ANKDD1B: variants seen among roughly 807,000 people sequenced by gnomAD.
ANKDD1B encodes ankyrin repeat and death domain-containing protein 1B.
A neutral mutation model predicts 59.7 loss-of-function variants in ANKDD1B; 57 were observed. That is an observed-to-expected ratio of 0.95 (90% CI 0.77 to 1.19). The LOEUF (loss-of-function observed/expected upper bound fraction) is 1.19. ANKDD1B is among the 50% of genes most tolerant of loss of function. ANKDD1B has a pLI of 0.00. For missense variants in ANKDD1B, 602 were observed against 641.9 expected (o/e 0.94, Z 0.67); for synonymous variants, 216 against 239.5 (o/e 0.90, Z 0.91).
At chr5:75,654,918 C>A (rs1173250231) in intron 8 of ANKDD1B, among the ~76,000 whole-genome samples, 1 of 152,192 alleles carries the variant, frequency 6.6e-6, no homozygotes, top group Non-Finnish European at 1.5e-5. Flanking sequence ...TGCTGTCACA[C>A]CCCTGTCCAC....
intron 5 of ANKDD1B, among the ~76,000 whole-genome samples, chr5:75,632,497 C>T (rs1267603507): frequency 2.0e-5 from 3 of 152,198 alleles, no homozygotes; most frequent in African/African-American, 4.8e-5. Context: ...GGTTGGCTCT[C>T]ATAGGCCTAG....
intron 7 of ANKDD1B, among the ~76,000 whole-genome samples, chr5:75,640,052 T>G (rs1006919282): frequency 6.6e-6 from 1 of 152,134 alleles, no homozygotes; most frequent in Admixed American, 6.5e-5. Context: ...TTTCTTTTTT[T>G]TTTTGTTTTG....
chr5:75,640,536 G>T (rs1774436713), intron 7 of ANKDD1B, among the ~76,000 whole-genome samples: 1 of 152,224 alleles, frequency 6.6e-6, no homozygotes, highest in South Asian at 2.1e-4. Flanking sequence ...GAGAAAGCAT[G>T]TTGTTTGTCA....
chr5:75,620,392 C>A lies in ANKDD1B; in HGVS notation c.375C>A (p.Ala125=). The part of the protein sequence containing the change: ...SAVDFLLKHK[A]RVDVADKHGL... ...TGGATTTCTTGCTTAAACACAAGGC[C>A]AGGGTGGATGTTGCTGATAAGGTAA... The change falls in exon 3 of 14, where the codon GCC becomes GCA. Residue 125 remains alanine, a synonymous_variant. Transcript: ENST00000601380. 6.5e-7 allele frequency: 1 copy of A among 1,533,658 alleles called. No individual in the cohort carries two copies. The highest frequency in any genetic ancestry group is 2.4e-5 in the East Asian group (1 of 40,884).
At chr5:75,628,662 A>G (rs1289703383) in intron 5 of ANKDD1B, among the ~76,000 whole-genome samples, 1 of 152,202 alleles carries the variant, frequency 6.6e-6, no homozygotes, top group East Asian at 1.9e-4. Flanking sequence ...AAAAGCTAAC[A>G]AGGAAAGCTT....
chr5:75,661,609 A>T (rs1775154830), intron 10 of ANKDD1B, among the ~76,000 whole-genome samples: 1 of 152,048 alleles, frequency 6.6e-6, no homozygotes, highest in Non-Finnish European at 1.5e-5. Flanking sequence ...CTACTTTTTC[A>T]TGAATACTTA....
chr5:75,663,736 A>G (rs889079836), intron 11 of ANKDD1B, among the ~76,000 whole-genome samples: 5 of 152,244 alleles, frequency 3.3e-5, no homozygotes, highest in African/African-American at 1.2e-4. Context: ...GGCATTGACC[A>G]GGCCAGCTAT....
rs1773567100 is a variant in ANKDD1B at position 75,611,840 on chromosome 5, A to C, written c.193+13A>C. 1 of 1,231,878 alleles carries C rather than the reference A, an allele frequency of 8.1e-7. No homozygotes were observed. The highest frequency in any genetic ancestry group is 1.6e-5 in the African/African-American group (1 of 64,480). 76.3% of individuals were successfully genotyped at this position (1,231,878 alleles called of 1,614,324 possible). ...GGACACGAGCTCCGTGAGTCCCGGG[A>C]CGAGGTCTCAGAAAATCAGGCTGCG... On this transcript the variant is annotated intron_variant, in intron 1 of 13. Transcript: ENST00000601380.
chr5:75,657,899 GAAAAAAAA>G (rs772314604), intron 9 of ANKDD1B, among the ~76,000 whole-genome samples: 1 of 108,098 alleles, frequency 9.3e-6, no homozygotes, highest in Non-Finnish European at 2.0e-5. Flanking sequence ...TCCATCTCAA[GAAAAAAAA>G]AAAAAAAGAA....
At chr5:75,625,788 C>T in intron 4 of ANKDD1B, 43 bp downstream of exon 4, 1 of 1,527,032 alleles carries the variant, frequency 6.5e-7, no homozygotes, top group Non-Finnish European at 8.8e-7. Flanking sequence ...CTTACCTCAC[C>T]ATTGCAGGAG....
In ANKDD1B at chr5:75,655,738, A is replaced by G. The variant is rs957573816; in HGVS notation, c.898-291A>G. On this transcript the variant is annotated intron_variant, in intron 8 of 13. Coordinates refer to ENST00000601380, the MANE Select transcript of ANKDD1B (RefSeq NM_001276713.2). ...CTAGATTGGAAGATTCCTGAGAATG[A>G]GTTTGTTCACACTAAATCCCTAGCA... Among the ~76,000 whole-genome samples the G allele has an allele frequency of 3.3e-5, 5 of 152,316 alleles. No individual in the cohort carries two copies. The South Asian group carries it at 1.0e-3, about 32-fold the overall frequency.
At chr5:75,657,555 T>G (rs1427852362) in intron 9 of ANKDD1B, among the ~76,000 whole-genome samples, 1 of 152,134 alleles carries the variant, frequency 6.6e-6, no homozygotes, top group East Asian at 1.9e-4. Context: ...TCAGTATAAG[T>G]GTAATGTCTT....
intron 2 of ANKDD1B, among the ~76,000 whole-genome samples, chr5:75,618,714 A>AG (rs1773773843): frequency 6.6e-6 from 1 of 152,146 alleles, no homozygotes; most frequent in African/African-American, 2.4e-5. Context: ...CAGATTTCAG[A>AG]CAAAGTCATA....
In ANKDD1B at chr5:75,664,406, C is replaced by CA. The variant is rs1002619166; in HGVS notation, c.1191+924dup. 2.6e-5 allele frequency among the ~76,000 whole-genome samples: 4 copies of CA among 151,998 alleles called. 1 individual carries two copies. Among genetic ancestry groups the CA allele is most frequent in the South Asian group, 4.1e-4 (2 of 4,828 alleles). On this transcript the variant is annotated intron_variant, in intron 11 of 13. Coordinates refer to ENST00000601380, the MANE Select transcript of ANKDD1B (RefSeq NM_001276713.2). ...AACTTTTCTTGCCTGTAAAACAAAA[C>CA]AAAAAAAGTGCTTTGCTTGTAAAAC...
chr5:75,664,094 C>A (rs1031903364), intron 11 of ANKDD1B, among the ~76,000 whole-genome samples: 4 of 152,220 alleles, frequency 2.6e-5, no homozygotes, highest in Non-Finnish European at 5.9e-5. Flanking sequence ...AATGGCACTG[C>A]CAGGCACCAT....
At chr5:75,628,586 GTGAT>G (rs1177715829) in intron 5 of ANKDD1B, among the ~76,000 whole-genome samples, 2 of 152,212 alleles carry the variant, frequency 1.3e-5, no homozygotes. Context: ...TCAACAGAAA[GTGAT>G]TGAGAGCTTG....
intron 3 of ANKDD1B, among the ~76,000 whole-genome samples, chr5:75,621,263 G>A (rs551834384): frequency 6.6e-6 from 1 of 152,298 alleles, no homozygotes; most frequent in East Asian, 1.9e-4. Flanking sequence ...ACCAGAATGA[G>A]AGAGCTTCTC....
intron 7 of ANKDD1B, among the ~76,000 whole-genome samples, chr5:75,648,651 T>C (rs1344692689): frequency 1.3e-5 from 2 of 152,172 alleles, no homozygotes; most frequent in African/African-American, 4.8e-5. Context: ...TTTAGAATTT[T>C]TCCCGAGTTC....
At chr5:75,639,322 G>T (rs1774400402) in intron 7 of ANKDD1B, among the ~76,000 whole-genome samples, 1 of 152,106 alleles carries the variant, frequency 6.6e-6, no homozygotes, top group Admixed American at 6.5e-5. Flanking sequence ...TCAGCCTCCT[G>T]AGTAGCTGGG....
Sources: gnomAD v4.1 joint callset for allele counts (sites outside exome capture counted in the v4.1 genomes callset) on GRCh38, gnomAD v4.1.1 for gene constraint, MANE v1.5 for transcripts, NCBI Gene and HGNC (gene_info 2026-07-23, HGNC 2026-07-21) for gene names.